The following ZFP1 variants were observed in gnomAD, a reference collection of about 807,000 sequenced individuals.
ZFP1 encodes ZFP1 zinc finger protein, also known as zinc finger protein 1 homolog.
ZFP1 carries 32 observed loss-of-function variants against 38.5 expected under a neutral mutation model. The ratio of observed to expected loss-of-function variants is 0.83; its 90% CI spans 0.63 to 1.12. ZFP1 has a LOEUF of 1.12. ZFP1 is among the 50% of genes most tolerant of loss of function. The pLI, the probability that ZFP1 is intolerant of heterozygous loss-of-function variation, is 0.00. For synonymous variants in ZFP1, 245 were observed against 168.8 expected, an observed-to-expected ratio of 1.45 and a Z score of -3.50; for missense variants, 616 against 480.8, an observed-to-expected ratio of 1.28 and a Z score of -2.63.
At chr16:75,123,907 C>A in the ZFP1 span, among the ~76,000 whole-genome samples, 3 of 147,192 alleles carry the variant, frequency 2.0e-5, no homozygotes, top group Non-Finnish European at 4.5e-5. Context: ...CTGGCCGACA[C>A]GGTGAAACCC....
the ZFP1 span, among the ~76,000 whole-genome samples, chr16:75,133,573 G>T: frequency 2.1e-4 from 32 of 152,198 alleles, no homozygotes; most frequent in South Asian, 1.0e-3. Context: ...CTCCATCCAT[G>T]TTCCCACAAA....
chr16:75,147,673 G>A (rs769702203), upstream of ZFP1, among the ~76,000 whole-genome samples: 4 of 152,080 alleles, frequency 2.6e-5, no homozygotes, highest in African/African-American at 7.2e-5. Flanking sequence ...GGTTGTGTGT[G>A]CTGGGGGGAC....
chr16:75,134,051 A>AAAT, the ZFP1 span, among the ~76,000 whole-genome samples: 3 of 152,166 alleles, frequency 2.0e-5, no homozygotes, highest in Non-Finnish European at 4.4e-5. Context: ...CCTGTCTCAG[A>AAAT]AATAATAATA....
chr16:75,131,727 G>T, the ZFP1 span, among the ~76,000 whole-genome samples: 1 of 152,168 alleles, frequency 6.6e-6, no homozygotes, highest in Non-Finnish European at 1.5e-5. Context: ...ACTTTGGGAG[G>T]CCGAAGTGGG....
chr16:75,158,631 A>T (rs1388535881), intron 2 of ZFP1, among the ~76,000 whole-genome samples: 9 of 142,152 alleles, frequency 6.3e-5, no homozygotes, highest in East Asian at 2.1e-4. Context: ...TTTATTTGTG[A>T]TTTTTTTTTT....
At chr16:75,122,432 G>T in the ZFP1 span, among the ~76,000 whole-genome samples, 1 of 152,224 alleles carries the variant, frequency 6.6e-6, no homozygotes. Context: ...GGGAACAGCT[G>T]TGAACTACTG....
rs550446641 is a variant in ZFP1, at chr16:75,153,958, C to T, written c.15+992C>T. Among the ~76,000 whole-genome samples the T allele has an allele frequency of 2.2e-4, 33 of 152,296 alleles. No individual in the cohort carries two copies. In the South Asian group the frequency reaches 6.8e-3, roughly 32 times the overall value. ...ATAGTTGGATTCATGCAGTAGGTAG[C>T]CTTTTTAGATTGGTTTCCTTCACTT... On this transcript the variant is annotated intron_variant, in intron 2 of 3. Coordinates refer to ENST00000570010, the MANE Select transcript of ZFP1 (RefSeq NM_153688.4).
chr16:75,129,328 T>G, the ZFP1 span, among the ~76,000 whole-genome samples: 2 of 152,202 alleles, frequency 1.3e-5, no homozygotes, highest in Admixed American at 1.3e-4. Context: ...GATCAGAGAC[T>G]GATTTTCTTC....
chr16:75,141,357 C>G, the ZFP1 span, among the ~76,000 whole-genome samples: 20,672 of 151,558 alleles, frequency 0.14, 1,979 homozygotes, highest in East Asian at 0.55. Context: ...CGCCCACCAC[C>G]ACACCTGGCT....
Position 75,166,761 on chromosome 16 carries a change from C to G in ZFP1, c.16-9C>G, listed in dbSNP as rs753831374. The stretch of plus-strand genomic sequence containing the variant: ...TCATCTTAGGATGAATAACAATATG[C>G]CATTTCAGGGATCAGTTTCATTCAC... On this transcript the variant is annotated splice_polypyrimidine_tract_variant and intron_variant, in intron 2 of 3. Transcript: ENST00000570010. 2 of 1,614,014 alleles carry G rather than the reference C, an allele frequency of 1.2e-6. No individual in the cohort carries two copies. The highest frequency in any genetic ancestry group is 1.1e-5 in the South Asian group (1 of 91,078).
At chr16:75,130,150 A>C in the ZFP1 span, among the ~76,000 whole-genome samples, 1 of 152,050 alleles carries the variant, frequency 6.6e-6, no homozygotes, top group Non-Finnish European at 1.5e-5. Flanking sequence ...ACAGGTATGC[A>C]CTACCACACC....
the ZFP1 span, among the ~76,000 whole-genome samples, chr16:75,119,170 A>C: frequency 6.6e-6 from 1 of 152,126 alleles, no homozygotes; most frequent in Non-Finnish European, 1.5e-5. Flanking sequence ...AAATTAACTG[A>C]GACCTTTCTC....
chr16:75,129,213 G>T, the ZFP1 span, among the ~76,000 whole-genome samples: 1 of 152,068 alleles, frequency 6.6e-6, no homozygotes. Flanking sequence ...CTCTTCAGAG[G>T]ACGTGAGACT....
At chr16:75,168,763 C>CT (rs2038244506) in intron 3 of ZFP1, among the ~76,000 whole-genome samples, 1 of 152,162 alleles carries the variant, frequency 6.6e-6, no homozygotes, top group Non-Finnish European at 1.5e-5. Flanking sequence ...GGAGAAAAAG[C>CT]TTAGAACTAT....
upstream of ZFP1, among the ~76,000 whole-genome samples, chr16:75,147,826 G>A (rs150113043): frequency 5.1e-3 from 782 of 152,330 alleles, 5 homozygotes; most frequent in Middle Eastern, 0.034. Context: ...TATGCAAGAT[G>A]AGTAGTTCTG....
the ZFP1 span, among the ~76,000 whole-genome samples, chr16:75,132,973 G>T: frequency 6.9e-6 from 1 of 144,654 alleles, no homozygotes; most frequent in Non-Finnish European, 1.5e-5. Context: ...TTCATTTTAA[G>T]ATTTTTTAAC....
intron 2 of ZFP1, among the ~76,000 whole-genome samples, chr16:75,158,286 C>T (rs1289577418): frequency 1.3e-5 from 2 of 151,670 alleles, no homozygotes; most frequent in Admixed American, 1.3e-4. Context: ...GTGGCATGAA[C>T]ACAGCTCACT....
rs138435995 is a variant in ZFP1 at position 75,169,947 on chromosome 16, A to G, written c.837A>G (p.Gln279=). ...ECSECGKTFA[Q]KFELTTHQRI... ...GTGAATGTGGAAAGACATTTGCCCAAAAGTTTGAACTCACCACACACCAGA... is the reference window on the plus strand; with the variant it reads ...GTGAATGTGGAAAGACATTTGCCCAGAAGTTTGAACTCACCACACACCAGA... Residue 279 remains glutamine, a synonymous_variant, in exon 4 of 4, where the codon CAA becomes CAG. Coordinates refer to ENST00000570010, the MANE Select transcript of ZFP1 (RefSeq NM_153688.4). 1,729 of 1,614,108 alleles carry G rather than the reference A, an allele frequency of 1.1e-3. 11 individuals carry two copies. Among genetic ancestry groups the G allele is most frequent in the South Asian group, 8.2e-3 (743 of 91,078 alleles).
At chr16:75,167,646 C>T (rs2038169295) in intron 3 of ZFP1, among the ~76,000 whole-genome samples, 1 of 152,130 alleles carries the variant, frequency 6.6e-6, no homozygotes, top group Non-Finnish European at 1.5e-5. Flanking sequence ...GTCACCCAGG[C>T]TAGAATCCAG....
Sources: gnomAD v4.1 joint callset for allele counts (sites outside exome capture counted in the v4.1 genomes callset) on GRCh38, gnomAD v4.1.1 for gene constraint, MANE v1.5 for transcripts, NCBI Gene and HGNC (gene_info 2026-07-23, HGNC 2026-07-21) for gene names.